The following CSMD2 variants were observed in gnomAD, a reference collection of about 807,000 sequenced individuals.
CSMD2 encodes CUB and Sushi multiple domains 2, also known as CUB and sushi domain-containing protein 2.
A neutral mutation model predicts 398.5 loss-of-function variants in CSMD2; 130 were observed. The observed-to-expected ratio is 0.33, with a 90% confidence interval of 0.28 to 0.38. The LOEUF (loss-of-function observed/expected upper bound fraction) is 0.38. Ranked by LOEUF, CSMD2 falls within the 10% of genes least tolerant of loss-of-function variation. CSMD2 has a pLI of 1.00. For synonymous variants in CSMD2, 1,828 were observed against 1,908.5 expected (o/e 0.96, Z 1.10); for missense variants, 3,829 against 4,764.9 (o/e 0.80, Z 5.78).
intron 5 of CSMD2, among the ~76,000 whole-genome samples, chr1:33,907,064 G>C (rs1396828631): frequency 6.6e-6 from 1 of 151,680 alleles, no homozygotes; most frequent in Non-Finnish European, 1.5e-5. Flanking sequence ...GTAATTGGAA[G>C]TGGTAGTCTT....
intron 1 of CSMD2, among the ~76,000 whole-genome samples, chr1:34,138,023 C>T (rs1247195902): frequency 6.6e-6 from 1 of 152,174 alleles, no homozygotes; most frequent in Admixed American, 6.5e-5. Flanking sequence ...GAATGATAAG[C>T]AAGAAAACAT....
chr1:33,993,137 C>T (rs495444), intron 3 of CSMD2, among the ~76,000 whole-genome samples: 94,228 of 151,928 alleles, frequency 0.62, 30,671 homozygotes, highest in East Asian at 0.83. Context: ...TATCTAGATA[C>T]ATTTACAGTG....
intron 26 of CSMD2, among the ~76,000 whole-genome samples, chr1:33,659,251 G>T (rs957970896): frequency 2.6e-5 from 4 of 152,188 alleles, no homozygotes; most frequent in Non-Finnish European, 4.4e-5. Flanking sequence ...AGAATGAGTG[G>T]GTGAATAAAT....
rs906640660 is a variant in CSMD2 at position 33,698,785 on chromosome 1, C to T, written c.3893G>A (p.Arg1298Gln). ...EELLCLSGER[R>Q]TWDRPLPTCV... ...GGTGGGCAGAGGCCGGTCCCAGGTC[C>T]GGCGCTCTCCACTCAGACACAGCAG... The change falls in exon 24 of 71, where the codon CGG becomes CAG. Residue 1298 changes from arginine (R) to glutamine (Q), a missense_variant. By Grantham distance (43) the Arg-to-Gln change is conservative. Around this residue, in one of 5 missense-constraint regions of CSMD2, gnomAD observed 2,001 missense variants for 2,567.1 expected, o/e 0.78. Coordinates refer to ENST00000373381, the MANE Select transcript of CSMD2 (RefSeq NM_001281956.2). The T allele has an allele frequency of 6.2e-6, 10 of 1,613,768 alleles. No individual in the cohort carries two copies. The highest frequency in any genetic ancestry group is 1.3e-5 in the African/African-American group (1 of 75,038).
At chr1:33,937,492 G>C (rs2125331181) in intron 3 of CSMD2, among the ~76,000 whole-genome samples, 1 of 152,246 alleles carries the variant, frequency 6.6e-6, no homozygotes, top group African/African-American at 2.4e-5. Flanking sequence ...ACTCTAAATG[G>C]CCCCCCTAGT....
At chr1:33,951,598 G>T (rs1165067692) in intron 3 of CSMD2, among the ~76,000 whole-genome samples, 1 of 152,004 alleles carries the variant, frequency 6.6e-6, no homozygotes, top group Non-Finnish European at 1.5e-5. Flanking sequence ...TCCACTTCAG[G>T]TTCCCTGCCA....
At chr1:33,727,292 C>T (rs1646566787) in intron 15 of CSMD2, among the ~76,000 whole-genome samples, 1 of 152,190 alleles carries the variant, frequency 6.6e-6, no homozygotes, top group Non-Finnish European at 1.5e-5. Context: ...CAGGGAACTC[C>T]ACAGGACACT....
At chr1:34,154,622 T>A (rs1201357112) in intron 1 of CSMD2, among the ~76,000 whole-genome samples, 1 of 151,900 alleles carries the variant, frequency 6.6e-6, no homozygotes, top group Non-Finnish European at 1.5e-5. Context: ...TGGAGTTGAG[T>A]AAATAAAGTA....
chr1:33,759,424 C>T (rs1046896439), intron 13 of CSMD2, among the ~76,000 whole-genome samples: 9 of 146,672 alleles, frequency 6.1e-5, no homozygotes, highest in African/African-American at 2.3e-4. Context: ...CTCCCGGGTT[C>T]ACGCCATTCT....
At chr1:33,987,310 C>CTA (rs1458941077) in intron 3 of CSMD2, among the ~76,000 whole-genome samples, 14 of 152,158 alleles carry the variant, frequency 9.2e-5, no homozygotes, top group African/African-American at 3.1e-4. Flanking sequence ...TGGTATTACA[C>CTA]TATTCTATGT....
intron 68 of CSMD2, 68 bp from the exon 69 acceptor site, chr1:33,520,018 C>A: frequency 6.4e-7 from 1 of 1,569,854 alleles, no homozygotes; most frequent in South Asian, 1.1e-5. Context: ...GCTACCCTCC[C>A]CGACTATACA....
intron 25 of CSMD2, among the ~76,000 whole-genome samples, chr1:33,664,790 G>A (rs1459808345): frequency 2.0e-5 from 3 of 151,932 alleles, no homozygotes; most frequent in South Asian, 2.1e-4. Context: ...GCGACACAGC[G>A]AGACTCCGTC....
At chr1:33,645,396 T>C (rs1358664899) in intron 29 of CSMD2, among the ~76,000 whole-genome samples, 1 of 146,360 alleles carries the variant, frequency 6.8e-6, no homozygotes, top group African/African-American at 2.6e-5. Context: ...CACACACATA[T>C]ATAAAATATG....
Position 34,019,914 on chromosome 1 carries a change from C to T in CSMD2, c.517+12680G>A, listed in dbSNP as rs184307973. On this transcript the variant is annotated intron_variant, in intron 3 of 70. Transcript: ENST00000373381. ...CTTCTGGTCTTTGATTCCATTCATT[C>T]ACCAAATATTTACTGAGTACCTAAC... is the stretch of plus-strand genomic sequence containing the variant. Among the ~76,000 whole-genome samples, 682 of 152,280 alleles carry T rather than the reference C, an allele frequency of 4.5e-3. 3 individuals carry two copies. Among genetic ancestry groups the T allele is most frequent in the Non-Finnish European group, 6.1e-3 (414 of 68,034 alleles).
At chr1:34,165,668 C>G (rs1641824565), upstream of CSMD2, 2 of 1,363,048 alleles carry the variant, frequency 1.5e-6, no homozygotes, top group Admixed American at 1.7e-5. Context: ...ACGCACACCT[C>G]TTCCACGTTT....
chr1:33,820,430 A>G (rs775504866), intron 8 of CSMD2, 39 bp downstream of exon 8: 2 of 1,416,572 alleles, frequency 1.4e-6, no homozygotes, highest in Non-Finnish European at 2.0e-6. Flanking sequence ...AGGCCACCCC[A>G]CCCTTCTTGC....
chr1:33,609,319 C>G (rs968489489), intron 41 of CSMD2, among the ~76,000 whole-genome samples: 7 of 152,238 alleles, frequency 4.6e-5, no homozygotes, highest in Admixed American at 1.3e-4. Flanking sequence ...CCCAGTACCC[C>G]CTCAGTATTC....
At chr1:33,980,778 T>C (rs776335344) in intron 3 of CSMD2, among the ~76,000 whole-genome samples, 1 of 152,228 alleles carries the variant, frequency 6.6e-6, no homozygotes, top group Non-Finnish European at 1.5e-5. Flanking sequence ...ATGCTAATCA[T>C]TGTTCTCACT....
rs376389749 is a variant in CSMD2, at chr1:33,519,983, C to T, written c.10598-33G>A. 1.3e-5 allele frequency: 21 copies of T among 1,611,730 alleles called. 1 individual carries two copies. The highest frequency in any genetic ancestry group is 1.6e-5 in the Non-Finnish European group (19 of 1,178,272). On this transcript the variant is annotated intron_variant, in intron 68 of 70. Transcript: ENST00000373381. This position sits in a 1 kb window ranked among gnomAD's most constrained non-coding sequence, Gnocchi z 5.6. ...GTCCCAAAGCAGAAAAGTCAAGTCA[C>T]GAGACACAGTCTGAGGCTCCGTTGG...
Sources: gnomAD v4.1 joint callset for allele counts (sites outside exome capture counted in the v4.1 genomes callset) on GRCh38, gnomAD v4.1.1 for gene constraint, gnomAD v4.1.1 regional missense constraint, Gnocchi (gnomAD v3.1) non-coding constraint, MANE v1.5 for transcripts, NCBI Gene and HGNC (gene_info 2026-07-23, HGNC 2026-07-21) for gene names.